WNK3: variants seen among roughly 807,000 people sequenced by gnomAD.
WNK3 encodes serine/threonine-protein kinase WNK3.
Under a neutral mutation model 116.7 loss-of-function variants are expected in WNK3, and 18 were observed. The observed-to-expected ratio is 0.15, with a 90% confidence interval of 0.11 to 0.23. The LOEUF (loss-of-function observed/expected upper bound fraction) is 0.23. Among genes scored for constraint, WNK3 ranks in the 10% least tolerant of loss-of-function variants. WNK3 has a pLI of 1.00. For missense variants in WNK3, 993 were observed against 1,323.8 expected (o/e 0.75, Z 3.88); for synonymous variants, 404 against 469.4 (o/e 0.86, Z 1.80).
intron 1 of WNK3, among the ~76,000 whole-genome samples, chrX:54,334,896 G>GA (rs2069214775): frequency 9.0e-6 from 1 of 111,654 alleles, no homozygotes; most frequent in Non-Finnish European, 1.9e-5. Context: ...AGCACTTATG[G>GA]AAAAAACTAA....
intron 5 of WNK3, among the ~76,000 whole-genome samples, chrX:54,306,016 T>C (rs1017443216): frequency 1.8e-5 from 2 of 110,282 alleles, no homozygotes; most frequent in Non-Finnish European, 1.9e-5. Flanking sequence ...GATAGCGCCA[T>C]TGCACTCCAG....
intron 17 of WNK3, among the ~76,000 whole-genome samples, chrX:54,246,568 C>T (rs1378824478): frequency 1.8e-5 from 2 of 111,062 alleles, no homozygotes; most frequent in African/African-American, 3.3e-5. Flanking sequence ...TCTTCAAATT[C>T]GAAACATCCA....
At chrX:54,254,560 A>T (rs1168880567) in intron 12 of WNK3, among the ~76,000 whole-genome samples, 3 of 111,821 alleles carry the variant, frequency 2.7e-5, no homozygotes, top group African/African-American at 9.7e-5. Flanking sequence ...TATGGATCTA[A>T]TAAGGAAATA....
At chrX:54,265,532 A>C (rs2068300324) in intron 10 of WNK3, among the ~76,000 whole-genome samples, 1 of 111,499 alleles carries the variant, frequency 9.0e-6, no homozygotes, top group African/African-American at 3.3e-5. Context: ...ACATGAGGTC[A>C]GAGAGTTGTG....
At chrX:54,218,501 A>C (rs2067723508) in intron 22 of WNK3, among the ~76,000 whole-genome samples, 1 of 109,642 alleles carries the variant, frequency 9.1e-6, no homozygotes, top group African/African-American at 3.3e-5. Flanking sequence ...TGGGAAAAAG[A>C]AATAATCAAC....
chrX:54,307,996 G>A, exon 5 of WNK3: 1 of 1,206,655 alleles, frequency 8.3e-7, no homozygotes. Flanking sequence ...GCCATTTCCA[G>A]CATACACATT....
intron 21 of WNK3, among the ~76,000 whole-genome samples, chrX:54,230,496 A>G (rs1557148720): frequency 8.9e-6 from 1 of 112,104 alleles, no homozygotes; most frequent in East Asian, 2.8e-4. Context: ...TGGATTGGCT[A>G]AAAAAAGAAT....
Sources: gnomAD v4.1 joint callset for allele counts (sites outside exome capture counted in the v4.1 genomes callset) on GRCh38, gnomAD v4.1.1 for gene constraint, MANE v1.5 for transcripts, NCBI Gene and HGNC (gene_info 2026-07-23, HGNC 2026-07-21) for gene names.